Variants in CAAP1 observed in about 807,000 individuals in gnomAD.
The protein encoded by CAAP1 is conserved anti-apoptotic protein.
Under a neutral mutation model 34.0 loss-of-function variants are expected in CAAP1, and 20 were observed. That is an observed-to-expected ratio of 0.59 (90% CI 0.41 to 0.86). The LOEUF is 0.86. Among genes scored for constraint, CAAP1 ranks in the 40% least tolerant of loss-of-function variants. CAAP1 has a pLI of 0.00. For missense variants in CAAP1, 538 were observed against 450.5 expected (o/e 1.19, Z -1.76); for synonymous variants, 213 against 166.7 (o/e 1.28, Z -2.14).
intron 4 of CAAP1, chr9:26,869,969 G>C: frequency 1.0e-6 from 1 of 983,018 alleles, no homozygotes; most frequent in Non-Finnish European, 1.2e-6. Context: ...GGATGAGGCA[G>C]TAAATTGACT....
intron 1 of CAAP1, 76 bp downstream of exon 1, chr9:26,892,337 C>G: frequency 6.4e-7 from 1 of 1,570,426 alleles, no homozygotes; most frequent in Non-Finnish European, 8.6e-7. Flanking sequence ...CCAGCCTGCG[C>G]CCCATCCCTC....
chr9:26,866,785 A>T (rs1221359383), intron 4 of CAAP1, among the ~76,000 whole-genome samples: 1 of 152,136 alleles, frequency 6.6e-6, no homozygotes, highest in African/African-American at 2.4e-5. Context: ...TGGTGACTGA[A>T]AAACAATAAA....
At chr9:26,887,959 T>G (rs958761021) in intron 1 of CAAP1, among the ~76,000 whole-genome samples, 2 of 152,212 alleles carry the variant, frequency 1.3e-5, no homozygotes, top group Non-Finnish European at 2.9e-5. Context: ...CTATCATCAT[T>G]TTTAAAACTT....
At chr9:26,866,171 C>T (rs12348667) in intron 4 of CAAP1, among the ~76,000 whole-genome samples, 3,373 of 152,066 alleles carry the variant, frequency 0.022, 126 homozygotes, top group African/African-American at 0.077. Flanking sequence ...TAAATGGACA[C>T]TAATAAAATG....
intron 1 of CAAP1, chr9:26,892,202 GA>G (rs1823920595): frequency 1.5e-6 from 2 of 1,345,510 alleles, no homozygotes; most frequent in Non-Finnish European, 2.0e-6. Context: ...AAGTGATCAG[GA>G]AATCCAGAAA....
rs981420339 is a variant in CAAP1, at chr9:26,887,301, G to A, written c.504+12C>T. On this transcript the variant is annotated intron_variant, in intron 2 of 5. Transcript: ENST00000333916. Reference sequence around the variant, plus strand: ...TCTACATATGTATCTAGTCTGATGTGTAATGAAGTACCTTTAACACATCAG... The same window carrying A: ...TCTACATATGTATCTAGTCTGATGTATAATGAAGTACCTTTAACACATCAG... The A allele has an allele frequency of 4.6e-6, 7 of 1,530,320 alleles. No individual in the cohort carries two copies. The highest frequency in any genetic ancestry group is 5.3e-6 in the Non-Finnish European group (6 of 1,127,640). The allele number at this position is 1,530,320 out of a possible 1,614,324, so 94.8% of individuals were successfully genotyped here.
intron 4 of CAAP1, among the ~76,000 whole-genome samples, chr9:26,870,686 G>A (rs909905551): frequency 1.3e-5 from 2 of 150,840 alleles, no homozygotes; most frequent in Non-Finnish European, 1.5e-5. Flanking sequence ...GCGCGATCTC[G>A]GCTCACTGCA....
Position 26,842,195 on chromosome 9 carries a change from G to T in CAAP1, c.*106C>A. On this transcript the variant is annotated 3_prime_UTR_variant, in exon 6 of 6. Transcript: ENST00000333916. ...TAGGGCTAAAATGAGTCCTAATAAG[G>T]GTTACATGAGAAATAACATATAAGA... 1 of 856,280 alleles carries T rather than the reference G, an allele frequency of 1.2e-6. No homozygotes were observed. Among genetic ancestry groups the T allele is most frequent in the Non-Finnish European group, 1.8e-6 (1 of 566,696 alleles). The allele number at this position is 856,280 out of a possible 1,614,324, so 53.0% of individuals were successfully genotyped here.
In CAAP1 at chr9:26,892,782, C is replaced by A; in HGVS notation, c.-67G>T. On this transcript the variant is annotated 5_prime_UTR_variant, in exon 1 of 6. Transcript: ENST00000333916. ...TGGTGCGACCGAAGCCCGACTCCTG[C>A]GGCCGTGGGCGGCAGGCACTGGCGT... is the stretch of plus-strand genomic sequence containing the variant. 6.9e-7 allele frequency: 1 copy of A among 1,442,824 alleles called. No homozygotes were observed. Among genetic ancestry groups the A allele is most frequent in the South Asian group, 1.4e-5 (1 of 73,860 alleles). 89.4% of individuals were successfully genotyped at this position (1,442,824 alleles called of 1,614,324 possible).
intron 4 of CAAP1, among the ~76,000 whole-genome samples, chr9:26,872,557 T>TATATATATATATATATATACATATA (rs1363793110): frequency 6.8e-6 from 1 of 146,232 alleles, no homozygotes; most frequent in African/African-American, 2.7e-5. Context: ...ACATATAATA[T>TATATATATATATATATATACATATA]ATATATATAT....
intron 4 of CAAP1, among the ~76,000 whole-genome samples, chr9:26,863,850 G>A (rs1221001321): frequency 2.0e-5 from 3 of 151,084 alleles, no homozygotes; most frequent in Middle Eastern, 3.5e-3. Context: ...AGGCTGGAGT[G>A]CAGTGATCAC....
chr9:26,873,606 G>T (rs1823333771), intron 4 of CAAP1, among the ~76,000 whole-genome samples: 1 of 152,054 alleles, frequency 6.6e-6, no homozygotes, highest in South Asian at 2.1e-4. Flanking sequence ...ACTAATACCT[G>T]TTCTCATTTT....
chr9:26,853,903 C>A (rs193011756), intron 5 of CAAP1, among the ~76,000 whole-genome samples: 1 of 152,236 alleles, frequency 6.6e-6, no homozygotes, highest in East Asian at 1.9e-4. Context: ...ACATATTTAT[C>A]TTTCTATCCC....
At chr9:26,879,681 G>C (rs914296727) in intron 4 of CAAP1, among the ~76,000 whole-genome samples, 16 of 152,208 alleles carry the variant, frequency 1.1e-4, no homozygotes, top group African/African-American at 3.9e-4. Flanking sequence ...AGGAAAAGAT[G>C]TAAGAGTAGA....
chr9:26,885,267 G>C (rs541512024), intron 3 of CAAP1, among the ~76,000 whole-genome samples: 3 of 151,742 alleles, frequency 2.0e-5, no homozygotes, highest in African/African-American at 7.2e-5. Flanking sequence ...AGTAGAGACG[G>C]GGTTTCACTA....
rs538122992 is a variant in CAAP1 at position 26,873,930 on chromosome 9, G to A, written c.665+10880C>T. Among the ~76,000 whole-genome samples the A allele has an allele frequency of 5.3e-5, 8 of 152,048 alleles. No individual in the cohort carries two copies. In the East Asian group the frequency reaches 1.5e-3, roughly 29 times the overall value. Reference sequence around the variant, plus strand: ...AAAAAATTTTACAGATACCTGCACCGGGTACGGTGGCTCACGCCTGTAATC... The same window carrying A: ...AAAAAATTTTACAGATACCTGCACCAGGTACGGTGGCTCACGCCTGTAATC... On this transcript the variant is annotated intron_variant, in intron 4 of 5. Coordinates refer to ENST00000333916, the MANE Select transcript of CAAP1 (RefSeq NM_024828.4).
chr9:26,885,635 G>C (rs551662420), intron 3 of CAAP1, among the ~76,000 whole-genome samples: 1 of 152,152 alleles, frequency 6.6e-6, no homozygotes, highest in East Asian at 1.9e-4. Flanking sequence ...AGAGGTGTGA[G>C]TATCACCAAG....
chr9:26,859,545 TACAAAGAGCAGAA>T (rs1281782121), intron 5 of CAAP1, among the ~76,000 whole-genome samples: 1 of 152,162 alleles, frequency 6.6e-6, no homozygotes, highest in African/African-American at 2.4e-5. Flanking sequence ...GTTCATTTGA[TACAAAGAGCAGAA>T]ACAAAGAAGA....
chr9:26,845,104 T>C (rs1248540200), intron 5 of CAAP1, among the ~76,000 whole-genome samples: 1 of 152,214 alleles, frequency 6.6e-6, no homozygotes, highest in Non-Finnish European at 1.5e-5. Flanking sequence ...TGTCTTCTTA[T>C]CCTGTTTTAT....
Sources: allele counts gnomAD v4.1 joint callset (sites outside exome capture counted in the v4.1 genomes callset), GRCh38; gene constraint gnomAD v4.1.1; transcripts MANE v1.5; gene names NCBI Gene and HGNC (gene_info 2026-07-23, HGNC 2026-07-21).